VPS13A: variants seen among roughly 807,000 people sequenced by gnomAD.
VPS13A encodes intermembrane lipid transfer protein VPS13A.
A neutral mutation model predicts 390.9 loss-of-function variants in VPS13A; 264 were observed. The ratio of observed to expected loss-of-function variants is 0.68; its 90% CI spans 0.61 to 0.75. VPS13A has a LOEUF of 0.75. Ranked by LOEUF, VPS13A falls within the 30% of genes least tolerant of loss-of-function variation. VPS13A has a pLI of 0.00. For synonymous variants in VPS13A, 1,231 were observed against 1,227.1 expected (o/e 1.00, Z -0.07); for missense variants, 3,409 against 3,733.9 (o/e 0.91, Z 2.27).
At chr9:77,296,580 C>A (rs898573151) in intron 33 of VPS13A, among the ~76,000 whole-genome samples, 2 of 151,996 alleles carry the variant, frequency 1.3e-5, no homozygotes, top group African/African-American at 4.8e-5. Context: ...TCCTATGAGT[C>A]TGTCTTTCCC....
intron 17 of VPS13A, among the ~76,000 whole-genome samples, chr9:77,233,034 A>AAGTTTAC (rs1823925924): frequency 6.6e-6 from 1 of 152,198 alleles, no homozygotes; most frequent in Non-Finnish European, 1.5e-5. Flanking sequence ...ATAGGTTTAT[A>AAGTTTAC]AGTAGGATCT....
At position 77,360,597 on chromosome 9, in the gene VPS13A, T is replaced by C; in HGVS notation, c.8167T>C (p.Leu2723=). Residue 2723 remains leucine, a synonymous_variant, in exon 59 of 72, where the codon TTA becomes CTA. Transcript: ENST00000360280. The part of the protein sequence containing the change: ...LRLDLGFIYA[L]TDLMTEAEVT... ...GTTAGATCTTGGGTTTATCTATGCT[T>C]TAACAGACCTTATGACAGAAGCTGA... is the stretch of plus-strand genomic sequence containing the variant. 6.2e-7 allele frequency: 1 copy of C among 1,613,126 alleles called. No individual in the cohort carries two copies.
In VPS13A at chr9:77,419,539, A is replaced by G. The variant is rs948414303; in HGVS notation, c.*3533A>G. Reference sequence around the variant, plus strand: ...AGCAGATCCACAACTCAGGAAGTCTAGAGATGCTTAGCACTTCTTCTTTTG... The same window carrying G: ...AGCAGATCCACAACTCAGGAAGTCTGGAGATGCTTAGCACTTCTTCTTTTG... On this transcript the variant is annotated 3_prime_UTR_variant, in exon 72 of 72. Transcript: ENST00000360280. 3.3e-5 allele frequency: 5 copies of G among 152,240 alleles called. No individual in the cohort carries two copies. The highest frequency in any genetic ancestry group is 1.2e-4 in the African/African-American group (5 of 41,474). The allele number at this position is 152,240 out of a possible 1,614,324, so 9.4% of individuals were successfully genotyped here. A position where few individuals can be genotyped will look rare whatever the true frequency, so the allele number is the denominator to read the frequency against.
At chr9:77,221,381 G>T (rs1390260212) in intron 13 of VPS13A, 25 bp downstream of exon 13, 1 of 1,610,652 alleles carries the variant, frequency 6.2e-7, no homozygotes, top group Non-Finnish European at 8.5e-7. Flanking sequence ...TGAAATTGTT[G>T]AGTGTTTTAT....
intron 52 of VPS13A, among the ~76,000 whole-genome samples, chr9:77,350,367 A>G (rs1587638444): frequency 6.6e-6 from 1 of 152,280 alleles, no homozygotes; most frequent in Non-Finnish European, 1.5e-5. Context: ...AACTGGTTTA[A>G]TTGTTCACTA....
intron 34 of VPS13A, among the ~76,000 whole-genome samples, chr9:77,303,555 C>T (rs1353390053): frequency 3.3e-5 from 5 of 152,118 alleles, no homozygotes; most frequent in Non-Finnish European, 7.3e-5. Context: ...GCACTCAGCA[C>T]ACCAAGGACC....
At chr9:77,249,862 G>A (rs970936479) in intron 20 of VPS13A, among the ~76,000 whole-genome samples, 1 of 151,986 alleles carries the variant, frequency 6.6e-6, no homozygotes, top group South Asian at 2.1e-4. Context: ...GACCATCTTG[G>A]TTTCTTTTAA....
In VPS13A at chr9:77,190,681, A is replaced by G. The variant is rs1267940978; in HGVS notation, c.101-9264A>G. 3.3e-5 allele frequency among the ~76,000 whole-genome samples: 5 copies of G among 152,184 alleles called. No homozygotes were observed. In the East Asian group the frequency reaches 9.6e-4, roughly 29 times the overall value. On this transcript the variant is annotated intron_variant, in intron 1 of 71. Coordinates refer to ENST00000360280, the MANE Select transcript of VPS13A (RefSeq NM_033305.3). ...ACCAGCTCTTCTTTATATGTCCGGT[A>G]GAATTTGGTTATGAATCCATCTGGT...
Position 77,290,229 on chromosome 9 carries a change from A to G in VPS13A, c.3340-3112A>G, listed in dbSNP as rs377377775. Among the ~76,000 whole-genome samples, 30 of 152,182 alleles carry G rather than the reference A, an allele frequency of 2.0e-4. No individual in the cohort carries two copies. In the East Asian group the frequency reaches 4.2e-3, roughly 22 times the overall value. On this transcript the variant is annotated intron_variant, in intron 31 of 71. Coordinates refer to ENST00000360280, the MANE Select transcript of VPS13A (RefSeq NM_033305.3). ...CTGGGTTGTGTTTTCCCCCTTTCCA[A>G]CTGTTAAAAGATGTGATTTCATTGT...
In VPS13A at chr9:77,205,599, TA is replaced by T. The variant is rs558736243; in HGVS notation, c.283+192del. Among the ~76,000 whole-genome samples, 388 of 152,012 alleles carry T rather than the reference TA, an allele frequency of 2.6e-3. 1 individual carries two copies. The highest frequency in any genetic ancestry group is 8.6e-3 in the African/African-American group (357 of 41,526). On this transcript the variant is annotated intron_variant, in intron 4 of 71. Transcript: ENST00000360280. ...GAATTATTTATTATTTATTTATTATTATTTTTTTTTAAGATGGAGTCTCGCA... is the reference window on the plus strand; with the variant it reads ...GAATTATTTATTATTTATTTATTATTTTTTTTTTTAAGATGGAGTCTCGCA...
At chr9:77,346,832 A>C (rs977019406) in intron 52 of VPS13A, among the ~76,000 whole-genome samples, 3 of 152,244 alleles carry the variant, frequency 2.0e-5, no homozygotes, top group Non-Finnish European at 4.4e-5. Context: ...AAAAGAGCTA[A>C]AAGAACAAGA....
At chr9:77,205,901 A>G in intron 4 of VPS13A, 77 bp from the exon 5 acceptor site, 1 of 1,167,808 alleles carries the variant, frequency 8.6e-7, no homozygotes, top group Non-Finnish European at 1.2e-6. Context: ...ATTAATGATT[A>G]TTTGTAAGGA....
intron 45 of VPS13A, 67 bp from the exon 46 acceptor site, chr9:77,331,943 A>T: frequency 1.8e-6 from 2 of 1,101,772 alleles, no homozygotes; most frequent in Non-Finnish European, 2.8e-6. Context: ...ACATGGACAT[A>T]TTTTTTTTAC....
intron 67 of VPS13A, among the ~76,000 whole-genome samples, chr9:77,375,331 A>G (rs1833007752): frequency 6.6e-6 from 1 of 152,210 alleles, no homozygotes; most frequent in African/African-American, 2.4e-5. Flanking sequence ...ACAAGATTCA[A>G]AGATAAAAAT....
At chr9:77,383,977 T>C (rs72748219) in intron 68 of VPS13A, among the ~76,000 whole-genome samples, 5,093 of 148,756 alleles carry the variant, frequency 0.034, 100 homozygotes, top group Non-Finnish European at 0.054. Flanking sequence ...TTTTTTTTTT[T>C]TAATCAAAGC....
chr9:77,279,044 G>A (rs1362042536), intron 26 of VPS13A, among the ~76,000 whole-genome samples: 5 of 152,178 alleles, frequency 3.3e-5, no homozygotes, highest in Non-Finnish European at 7.3e-5. Flanking sequence ...ATGTGTTACA[G>A]TATGCTCTTT....
chr9:77,304,997 G>A (rs1828640801), intron 34 of VPS13A, among the ~76,000 whole-genome samples: 1 of 150,018 alleles, frequency 6.7e-6, no homozygotes, highest in Non-Finnish European at 1.5e-5. Flanking sequence ...GGAGTGCAGT[G>A]GTGCAATCTC....
intron 68 of VPS13A, among the ~76,000 whole-genome samples, chr9:77,396,804 A>G (rs1834136556): frequency 1.3e-5 from 2 of 152,198 alleles, no homozygotes; most frequent in South Asian, 2.1e-4. Flanking sequence ...CCATTTTACA[A>G]TTAACTTCCT....
intron 33 of VPS13A, among the ~76,000 whole-genome samples, chr9:77,301,048 C>T (rs748795475): frequency 2.0e-5 from 3 of 152,030 alleles, no homozygotes; most frequent in African/African-American, 7.2e-5. Context: ...TGTGGGAGCA[C>T]GTAGGAAAGG....
Sources: gnomAD v4.1 joint callset for allele counts (sites outside exome capture counted in the v4.1 genomes callset) on GRCh38, gnomAD v4.1.1 for gene constraint, MANE v1.5 for transcripts, NCBI Gene and HGNC (gene_info 2026-07-23, HGNC 2026-07-21) for gene names.